DIAPH3: variants seen among roughly 807,000 people sequenced by gnomAD.
DIAPH3 encodes the protein diaphanous related formin 3, also known as protein diaphanous homolog 3.
A neutral mutation model predicts 144.3 loss-of-function variants in DIAPH3; 117 were observed. The observed-to-expected ratio is 0.81, with a 90% CI of 0.70 to 0.95. The LOEUF (loss-of-function observed/expected upper bound fraction) is 0.95. DIAPH3 is among the 40% of genes least tolerant of loss of function. The pLI is 0.00. For missense variants in DIAPH3, 1,421 were observed against 1,412.7 expected (o/e 1.01, Z -0.09); for synonymous variants, 519 against 488.9 (o/e 1.06, Z -0.81).
intron 20 of DIAPH3, among the ~76,000 whole-genome samples, chr13:59,908,068 C>A (rs74084464): frequency 7.6e-4 from 115 of 152,108 alleles, no homozygotes; most frequent in African/African-American, 2.6e-3. Flanking sequence ...CTAAGTGATA[C>A]ATGATAAAAG....
At chr13:60,143,270 A>G (rs751401594) in intron 1 of DIAPH3, among the ~76,000 whole-genome samples, 13 of 152,118 alleles carry the variant, frequency 8.5e-5, no homozygotes, top group Non-Finnish European at 4.4e-5. Context: ...CCTGCCTTGC[A>G]CTGTGGCACA....
intron 1 of DIAPH3, 45 bp downstream of exon 1, chr13:60,163,542 C>T (rs747652969): frequency 6.3e-7 from 1 of 1,577,814 alleles, no homozygotes; most frequent in Non-Finnish European, 8.6e-7. Flanking sequence ...GTCAGCCCTA[C>T]GGCGGGGCGG....
intron 27 of DIAPH3, among the ~76,000 whole-genome samples, chr13:59,727,848 T>C (rs2138956421): frequency 6.6e-6 from 1 of 152,258 alleles, no homozygotes; most frequent in East Asian, 1.9e-4. Flanking sequence ...GCAGCCCTAA[T>C]ACCCGTATTT....
chr13:59,927,951 C>T (rs1177303724), intron 17 of DIAPH3, among the ~76,000 whole-genome samples: 1 of 152,144 alleles, frequency 6.6e-6, no homozygotes, highest in Admixed American at 6.5e-5. Context: ...GAGTTTTCAG[C>T]TATTATTTCA....
At chr13:59,894,302 C>T (rs1001109533) in intron 20 of DIAPH3, among the ~76,000 whole-genome samples, 1 of 151,600 alleles carries the variant, frequency 6.6e-6, no homozygotes, top group Non-Finnish European at 1.5e-5. Flanking sequence ...ATTCAGGTAA[C>T]GGACATAATA....
intron 27 of DIAPH3, among the ~76,000 whole-genome samples, chr13:59,772,583 T>G (rs2038178570): frequency 6.6e-6 from 1 of 152,122 alleles, no homozygotes; most frequent in South Asian, 2.1e-4. Context: ...TACGTAATTG[T>G]ATCTGAGCCA....
intron 27 of DIAPH3, among the ~76,000 whole-genome samples, chr13:59,769,017 C>T (rs2037990551): frequency 6.6e-6 from 1 of 152,096 alleles, no homozygotes; most frequent in Non-Finnish European, 1.5e-5. Context: ...TCTGATTACT[C>T]TCTATCCATT....
chr13:60,093,594 C>A, intron 4 of DIAPH3, 34 bp downstream of exon 4: 1 of 1,381,992 alleles, frequency 7.2e-7, no homozygotes, highest in South Asian at 1.2e-5. Context: ...AAAACATGTT[C>A]GGCAGTATTT....
chr13:59,757,192 A>G (rs1362484190), intron 27 of DIAPH3, among the ~76,000 whole-genome samples: 1 of 152,150 alleles, frequency 6.6e-6, no homozygotes. Context: ...GGACATGTCC[A>G]TAGGCTGCTG....
intron 12 of DIAPH3, among the ~76,000 whole-genome samples, chr13:59,990,378 A>C (rs188643815): frequency 6.6e-6 from 1 of 152,062 alleles, no homozygotes; most frequent in East Asian, 1.9e-4. Flanking sequence ...AATTAAGTAG[A>C]AAAGAAAAAA....
At chr13:60,082,349 C>A (rs2057589083) in intron 4 of DIAPH3, among the ~76,000 whole-genome samples, 1 of 149,410 alleles carries the variant, frequency 6.7e-6, no homozygotes, top group Non-Finnish European at 1.5e-5. Context: ...ATAACAGAAT[C>A]CATGAAAAAG....
At chr13:60,014,105 T>G (rs530492200) in intron 7 of DIAPH3, among the ~76,000 whole-genome samples, 1 of 152,288 alleles carries the variant, frequency 6.6e-6, no homozygotes, top group Admixed American at 6.5e-5. Flanking sequence ...ATTTACCACC[T>G]TAATTTAACC....
At chr13:60,084,845 G>T (rs887304588) in intron 4 of DIAPH3, among the ~76,000 whole-genome samples, 1 of 152,064 alleles carries the variant, frequency 6.6e-6, no homozygotes, top group Non-Finnish European at 1.5e-5. Context: ...AGGGTTGTGG[G>T]GGAAACCACT....
chr13:60,058,816 T>C (rs1225034444), intron 4 of DIAPH3, among the ~76,000 whole-genome samples: 2 of 151,928 alleles, frequency 1.3e-5, no homozygotes, highest in East Asian at 1.9e-4. Context: ...AAATCAAATA[T>C]TGCATGTTCT....
chr13:59,803,655 G>A (rs1319125187), intron 25 of DIAPH3, among the ~76,000 whole-genome samples: 1 of 152,146 alleles, frequency 6.6e-6, no homozygotes, highest in African/African-American at 2.4e-5. Flanking sequence ...CCTCTTTTCT[G>A]GGGCTTGTTG....
chr13:59,710,280 G>GAAAAAAAAAAAAAAAAAAAAAAAAAA (rs1159252127), intron 27 of DIAPH3, among the ~76,000 whole-genome samples: 1 of 138,336 alleles, frequency 7.2e-6, no homozygotes. Flanking sequence ...ATTTATTTTG[G>GAAAAAAAAAAAAAAAAAAAAAAAAAA]AAAAAAAAAA....
chr13:59,969,935 T>C lies in DIAPH3; in HGVS notation c.2074+9A>G. ...TCAAATTAATAAATAATCAAGATGT[T>C]AAACTTACCTTTTTGTTGGCAACAA... On this transcript the variant is annotated intron_variant, in intron 17 of 27. Coordinates refer to ENST00000400324, the MANE Select transcript of DIAPH3 (RefSeq NM_001042517.2). 1.9e-6 allele frequency: 3 copies of C among 1,542,904 alleles called. No homozygotes were observed. Among genetic ancestry groups the C allele is most frequent in the Non-Finnish European group, 2.7e-6 (3 of 1,121,718 alleles).
intron 27 of DIAPH3, among the ~76,000 whole-genome samples, chr13:59,675,121 G>A (rs1003668395): frequency 1.3e-5 from 2 of 152,092 alleles, no homozygotes; most frequent in African/African-American, 4.8e-5. Flanking sequence ...GCTGGAATGC[G>A]ATGGTGCCAT....
chr13:59,970,095 A>AAACACTCACCTATT, intron 16 of DIAPH3, 37 bp from the exon 17 acceptor site: 7 of 1,283,494 alleles, frequency 5.5e-6, no homozygotes, highest in Non-Finnish European at 7.8e-6. Flanking sequence ...TCAATAGGTG[A>AAACACTCACCTATT]GTGTTTCACC....
Sources: allele counts gnomAD v4.1 joint callset (sites outside exome capture counted in the v4.1 genomes callset), GRCh38; gene constraint gnomAD v4.1.1; transcripts MANE v1.5; gene names NCBI Gene and HGNC (gene_info 2026-07-23, HGNC 2026-07-21).